Variants in TRIM51G observed in about 807,000 individuals in gnomAD.
The protein encoded by TRIM51G is tripartite motif-containing protein 51G.
the TRIM51G span, among the ~76,000 whole-genome samples, chr11:48,983,027 C>A: frequency 1.1e-5 from 1 of 91,310 alleles, no homozygotes; most frequent in African/African-American, 4.1e-5. Flanking sequence ...TCTGGAGAAC[C>A]CTGACCAATA....
chr11:48,977,642 C>T, the TRIM51G span, among the ~76,000 whole-genome samples: 2 of 152,138 alleles, frequency 1.3e-5, no homozygotes, highest in Non-Finnish European at 2.9e-5. Context: ...ACGGTTCAAA[C>T]ATTCCAAATA....
At chr11:48,978,643 C>A in the TRIM51G span, among the ~76,000 whole-genome samples, 1 of 152,228 alleles carries the variant, frequency 6.6e-6, no homozygotes, top group African/African-American at 2.4e-5. Flanking sequence ...TGTCTGTTAC[C>A]TTGGCCATTC....
the TRIM51G span, chr11:48,975,565 A>C: frequency 7.2e-7 from 1 of 1,383,124 alleles, no homozygotes; most frequent in African/African-American, 1.4e-5. Context: ...GATGGTGTAT[A>C]TCAGGGAACT....
At chr11:48,980,681 T>C in the TRIM51G span, among the ~76,000 whole-genome samples, 6 of 152,160 alleles carry the variant, frequency 3.9e-5, no homozygotes, top group South Asian at 2.1e-4. Context: ...TAGGTTTGTA[T>C]GGAAACAGAT....
the TRIM51G span, chr11:48,977,999 C>T: frequency 2.3e-6 from 1 of 434,740 alleles, no homozygotes; most frequent in Non-Finnish European, 4.6e-6. Flanking sequence ...TAGATGACTA[C>T]ATGGGGTGGG....
At chr11:48,976,977 C>T in the TRIM51G span, 1 of 604,582 alleles carries the variant, frequency 1.7e-6, no homozygotes. Context: ...ATATGGTTCA[C>T]TTCCTGCTGA....
At chr11:48,976,927 A>T in the TRIM51G span, among the ~76,000 whole-genome samples, 2 of 152,188 alleles carry the variant, frequency 1.3e-5, no homozygotes, top group Non-Finnish European at 2.9e-5. Flanking sequence ...TATAAATTGG[A>T]CTATAAACAG....
the TRIM51G span, among the ~76,000 whole-genome samples, chr11:48,982,281 C>G: frequency 2.6e-5 from 4 of 151,956 alleles, no homozygotes; most frequent in African/African-American, 9.7e-5. Context: ...TTGGGTTTTT[C>G]TTATGGCTTA....
At chr11:48,978,994 C>T in the TRIM51G span, 14 of 1,456,232 alleles carry the variant, frequency 9.6e-6, no homozygotes, top group East Asian at 2.3e-5. Context: ...AAAATGTCCT[C>T]GCCCTCCTTT....
the TRIM51G span, among the ~76,000 whole-genome samples, chr11:48,976,236 G>A: frequency 2.6e-5 from 4 of 151,976 alleles, no homozygotes; most frequent in Non-Finnish European, 5.9e-5. Context: ...ACTGAGAGTC[G>A]AATAAAAGAC....
chr11:48,981,118 T>G, the TRIM51G span: 104 of 1,205,176 alleles, frequency 8.6e-5, no homozygotes, highest in Middle Eastern at 2.8e-4. Context: ...AGAGTTTGCT[T>G]TGTTTCTCCT....
At chr11:48,976,604 C>T in the TRIM51G span, among the ~76,000 whole-genome samples, 13 of 151,922 alleles carry the variant, frequency 8.6e-5, no homozygotes, top group Non-Finnish European at 1.8e-4. Flanking sequence ...TTCCTATTTA[C>T]AAAATATTTT....
At chr11:48,982,198 G>A in the TRIM51G span, among the ~76,000 whole-genome samples, 1 of 151,936 alleles carries the variant, frequency 6.6e-6, no homozygotes, top group South Asian at 2.1e-4. Flanking sequence ...CAAACCAACC[G>A]ACCAGATAAA....
chr11:48,982,730 C>T, the TRIM51G span, among the ~76,000 whole-genome samples: 1 of 150,662 alleles, frequency 6.6e-6, no homozygotes, highest in Non-Finnish European at 1.5e-5. Flanking sequence ...GACTTCCTCT[C>T]CTGTACAGTG....
chr11:48,977,406 A>G, the TRIM51G span, among the ~76,000 whole-genome samples: 2 of 152,178 alleles, frequency 1.3e-5, no homozygotes, highest in South Asian at 2.1e-4. Context: ...CTTTCTTCGT[A>G]TTGCTCCAAA....
At chr11:48,978,721 C>T in the TRIM51G span, 1 of 560,838 alleles carries the variant, frequency 1.8e-6, no homozygotes, top group Non-Finnish European at 3.3e-6. Context: ...CTAGGAGAGG[C>T]TGTACCCTCC....
the TRIM51G span, among the ~76,000 whole-genome samples, chr11:48,978,328 A>C: frequency 6.6e-6 from 1 of 152,118 alleles, no homozygotes; most frequent in African/African-American, 2.4e-5. Context: ...ATCATATGTC[A>C]TGAATTTATG....
the TRIM51G span, chr11:48,980,793 C>T: frequency 2.6e-6 from 1 of 386,862 alleles, no homozygotes; most frequent in East Asian, 7.5e-5. Context: ...AGTGTTTTTT[C>T]CTTGTTTGTT....
At chr11:48,977,509 T>C in the TRIM51G span, among the ~76,000 whole-genome samples, 5 of 152,146 alleles carry the variant, frequency 3.3e-5, no homozygotes, top group Non-Finnish European at 2.9e-5. Flanking sequence ...AATTACTGTC[T>C]GGAAAAGTGG....
Sources: allele counts gnomAD v4.1 joint callset (sites outside exome capture counted in the v4.1 genomes callset), GRCh38; gene constraint gnomAD v4.1.1; transcripts MANE v1.5; gene names NCBI Gene and HGNC (gene_info 2026-07-23, HGNC 2026-07-21).